NRDC: variants seen among roughly 807,000 people sequenced by gnomAD.
NRDC encodes the protein nardilysin.
A neutral mutation model predicts 147.1 loss-of-function variants in NRDC; 54 were observed. That is an observed-to-expected ratio of 0.37 (90% CI 0.29 to 0.46). The LOEUF (loss-of-function observed/expected upper bound fraction) is 0.46, where lower values mean the gene tolerates loss of function less well. Ranked by LOEUF, NRDC falls within the 20% of genes least tolerant of loss-of-function variation. The pLI is 1.00. For synonymous variants in NRDC, 440 were observed against 482.1 expected, an observed-to-expected ratio of 0.91 and a Z score of 1.14; for missense variants, 1,082 against 1,370.6, an observed-to-expected ratio of 0.79 and a Z score of 3.33.
Position 51,816,296 on chromosome 1 carries a change from T to C in NRDC, c.1439+16A>G. 3 of 1,548,118 alleles carry C rather than the reference T, an allele frequency of 1.9e-6. No individual in the cohort carries two copies. The highest frequency in any genetic ancestry group is 1.8e-6 in the Non-Finnish European group (2 of 1,134,688). ...GAGATTGCTATACTGAAAATACTTATTAATTGAATACTTGCTTTTTCCTAA... is the reference window on the plus strand; with the variant it reads ...GAGATTGCTATACTGAAAATACTTACTAATTGAATACTTGCTTTTTCCTAA... On this transcript the variant is annotated intron_variant, in intron 11 of 30. Coordinates refer to ENST00000352171, the MANE Select transcript of NRDC (RefSeq NM_001101662.2).
At chr1:51,860,950 T>A (rs927025189) in intron 1 of NRDC, among the ~76,000 whole-genome samples, 1 of 150,376 alleles carries the variant, frequency 6.6e-6, no homozygotes, top group Admixed American at 6.6e-5. Flanking sequence ...TGGTATTACT[T>A]CTTTTTTTTT....
At chr1:51,844,639 C>T (rs554570148) in intron 1 of NRDC, among the ~76,000 whole-genome samples, 4 of 151,396 alleles carry the variant, frequency 2.6e-5, no homozygotes, top group South Asian at 2.1e-4. Context: ...CTCAGCTACT[C>T]GGGAGGCTGA....
intron 16 of NRDC, among the ~76,000 whole-genome samples, 188 bp downstream of exon 16, chr1:51,810,093 T>C (rs1427904729): frequency 6.6e-6 from 1 of 152,178 alleles, no homozygotes; most frequent in Admixed American, 6.5e-5. Flanking sequence ...ATTTTTTCAC[T>C]AGTTAGTAAA....
intron 19 of NRDC, among the ~76,000 whole-genome samples, chr1:51,804,434 G>A (rs1054466362): frequency 6.6e-6 from 1 of 152,074 alleles, no homozygotes; most frequent in Non-Finnish European, 1.5e-5. Context: ...TATCTCCTAC[G>A]TTCAGACACA....
chr1:51,791,273 T>C (rs1312382924), intron 27 of NRDC, among the ~76,000 whole-genome samples: 1 of 151,868 alleles, frequency 6.6e-6, no homozygotes, highest in Admixed American at 6.6e-5. Context: ...AACTAACAGG[T>C]TTCAGCAATG....
chr1:51,861,331 TTC>T lies in NRDC; in HGVS notation c.341+16942_341+16943del, dbSNP rs765895503. On this transcript the variant is annotated intron_variant, in intron 1 of 30. Coordinates refer to ENST00000352171, the MANE Select transcript of NRDC (RefSeq NM_001101662.2). ...ACAGAGATAATCAAATCTCTTCTTC[TTC>T]TTTTTTTTTTTTTTGAGACAAAGTC... 1.5e-3 allele frequency among the ~76,000 whole-genome samples: 159 copies of T among 103,216 alleles called. 2 individuals carry two copies. The highest frequency in any genetic ancestry group is 4.3e-3 in the Middle Eastern group (1 of 230). The allele number at this position is 103,216 out of a possible 152,430, so 67.7% of individuals were successfully genotyped here. A position where few individuals can be genotyped will look rare whatever the true frequency, so the allele number is the denominator to read the frequency against.
At chr1:51,871,341 T>G (rs1683075190) in intron 1 of NRDC, among the ~76,000 whole-genome samples, 1 of 151,538 alleles carries the variant, frequency 6.6e-6, no homozygotes, top group Non-Finnish European at 1.5e-5. Context: ...TCACTCTCCA[T>G]TCATCCTTAA....
At chr1:51,806,623 A>T (rs1679476119) in intron 18 of NRDC, among the ~76,000 whole-genome samples, 171 bp downstream of exon 18, 1 of 152,130 alleles carries the variant, frequency 6.6e-6, no homozygotes. Flanking sequence ...TACTTATTTT[A>T]CTCCTTTTAG....
chr1:51,835,746 C>T (rs968990757), intron 3 of NRDC, among the ~76,000 whole-genome samples: 2 of 152,136 alleles, frequency 1.3e-5, no homozygotes, highest in African/African-American at 2.4e-5. Context: ...GGATTACAGG[C>T]GTGAGCCACC....
intron 4 of NRDC, among the ~76,000 whole-genome samples, chr1:51,828,404 T>C (rs911776398): frequency 6.6e-6 from 1 of 152,220 alleles, no homozygotes; most frequent in Admixed American, 6.5e-5. Context: ...TCCATGTTTT[T>C]ATAGAGTATA....
At chr1:51,818,887 C>G (rs1176374214) in intron 9 of NRDC, among the ~76,000 whole-genome samples, 3 of 152,182 alleles carry the variant, frequency 2.0e-5, no homozygotes, top group Non-Finnish European at 2.9e-5. Flanking sequence ...AATGTAATCA[C>G]ACAACTCATT....
chr1:51,878,723 G>T lies in NRDC; in HGVS notation c.-108C>A. The T allele has an allele frequency of 1.1e-6, 1 of 943,874 alleles. No homozygotes were observed. Among genetic ancestry groups the T allele is most frequent in the Non-Finnish European group, 1.6e-6 (1 of 638,194 alleles). The allele number at this position is 943,874 out of a possible 1,614,324, so 58.5% of individuals were successfully genotyped here. A position where few individuals can be genotyped will look rare whatever the true frequency, so the allele number is the denominator to read the frequency against. On this transcript the variant is annotated 5_prime_UTR_variant, in exon 1 of 31. In the 5' UTR this introduces an upstream ATG that the reference lacks. Coordinates refer to ENST00000352171, the MANE Select transcript of NRDC (RefSeq NM_001101662.2). ...GGTGCTGCCGCAGCCGCGGGGAACAGGCCTGAACCCCTCCCCCAACCCAGT... is the reference window on the plus strand; with the variant it reads ...GGTGCTGCCGCAGCCGCGGGGAACATGCCTGAACCCCTCCCCCAACCCAGT...
intron 22 of NRDC, among the ~76,000 whole-genome samples, chr1:51,796,967 G>A (rs182644545): frequency 0.011 from 1,705 of 151,190 alleles, 10 homozygotes; most frequent in Non-Finnish European, 0.017. Context: ...TTGGGAGGCC[G>A]AGGTGGGCAG....
chr1:51,857,725 A>G (rs1347756426), intron 1 of NRDC, among the ~76,000 whole-genome samples: 1 of 152,200 alleles, frequency 6.6e-6, no homozygotes, highest in Non-Finnish European at 1.5e-5. Context: ...ACTGACTTGG[A>G]TTCAGTTAAG....
chr1:51,824,028 A>G (rs915166415), intron 6 of NRDC, among the ~76,000 whole-genome samples: 5 of 152,138 alleles, frequency 3.3e-5, no homozygotes, highest in African/African-American at 1.2e-4. Flanking sequence ...AAAAAAACAG[A>G]CAATAACTCC....
intron 28 of NRDC, 40 bp downstream of exon 28, chr1:51,790,860 G>C: frequency 6.6e-7 from 1 of 1,525,366 alleles, no homozygotes; most frequent in Non-Finnish European, 9.0e-7. Context: ...CTGGGGGCTT[G>C]TGTGGGCCAA....
intron 7 of NRDC, 96 bp from the exon 8 acceptor site, chr1:51,821,651 A>T (rs945004280): frequency 4.6e-6 from 4 of 864,478 alleles, no homozygotes; most frequent in Non-Finnish European, 5.7e-6. Flanking sequence ...TAGCTAAAAA[A>T]CAAAGGGATA....
chr1:51,800,965 C>T, intron 20 of NRDC: 1 of 248,750 alleles, frequency 4.0e-6, no homozygotes, highest in Non-Finnish European at 7.7e-6. Context: ...CCACCTCAGC[C>T]TCCTGAGTAG....
chr1:51,815,606 A>C (rs1679933602), intron 11 of NRDC, among the ~76,000 whole-genome samples: 1 of 152,134 alleles, frequency 6.6e-6, no homozygotes, highest in East Asian at 1.9e-4. Context: ...TATGAACCCA[A>C]TATCATTAGT....
Sources: allele counts gnomAD v4.1 joint callset (sites outside exome capture counted in the v4.1 genomes callset), GRCh38; gene constraint gnomAD v4.1.1; transcripts MANE v1.5; gene names NCBI Gene and HGNC (gene_info 2026-07-23, HGNC 2026-07-21).